The following CIT variants were observed in gnomAD, a reference collection of about 807,000 sequenced individuals.
CIT encodes the protein citron Rho-interacting kinase.
A neutral mutation model predicts 272.7 loss-of-function variants in CIT; 79 were observed. The observed-to-expected ratio is 0.29, with a 90% confidence interval of 0.24 to 0.35. CIT has a LOEUF of 0.35. Among genes scored for constraint, CIT ranks in the 10% least tolerant of loss-of-function variants. The pLI is 1.00. For synonymous variants in CIT, 948 were observed against 995.6 expected (o/e 0.95, Z 0.90); for missense variants, 1,909 against 2,618.3 (o/e 0.73, Z 5.91).
At chr12:119,739,124 T>A (rs1447345890) in intron 24 of CIT, among the ~76,000 whole-genome samples, 1 of 152,164 alleles carries the variant, frequency 6.6e-6, no homozygotes, top group Non-Finnish European at 1.5e-5. Flanking sequence ...ACTGAAATCC[T>A]ATTTTAATGC....
At chr12:119,688,374 G>A in intron 47 of CIT, 119 bp from the exon 48 acceptor site, 1 of 1,027,252 alleles carries the variant, frequency 9.7e-7, no homozygotes, top group Admixed American at 1.8e-5. Flanking sequence ...AGCTAGCAGT[G>A]AGTGCTTGGC....
intron 13 of CIT, among the ~76,000 whole-genome samples, chr12:119,777,696 A>C (rs1017736449): frequency 7.2e-5 from 11 of 151,994 alleles, no homozygotes; most frequent in Admixed American, 2.6e-4. Flanking sequence ...ACAAAAAAAA[A>C]CACTTTTAAT....
chr12:119,726,824 A>T (rs1321515450), intron 28 of CIT, among the ~76,000 whole-genome samples: 5 of 152,210 alleles, frequency 3.3e-5, no homozygotes, highest in Admixed American at 3.3e-4. Flanking sequence ...GGTAGTCATC[A>T]ATTTAAATAG....
chr12:119,760,818 A>C, intron 20 of CIT, 121 bp downstream of exon 20: 1 of 726,844 alleles, frequency 1.4e-6, no homozygotes, highest in Middle Eastern at 4.0e-4. Flanking sequence ...TATTACCAAC[A>C]ACTCCACAGG....
intron 7 of CIT, among the ~76,000 whole-genome samples, chr12:119,830,088 T>G (rs554266494): frequency 9.7e-4 from 146 of 150,576 alleles, no homozygotes; most frequent in Non-Finnish European, 1.4e-3. Flanking sequence ...CCAAAAATTA[T>G]AATTTTATAT....
At chr12:119,716,454 G>A (rs1239403569) in intron 32 of CIT, among the ~76,000 whole-genome samples, 2 of 140,108 alleles carry the variant, frequency 1.4e-5, no homozygotes, top group Non-Finnish European at 3.1e-5. Context: ...AAACACAGGA[G>A]GAAGAAAATG....
chr12:119,862,808 T>TAAAAAAAAACAAAAA (rs1950384594), intron 3 of CIT, among the ~76,000 whole-genome samples: 1 of 10,252 alleles, frequency 9.8e-5, no homozygotes, highest in Non-Finnish European at 1.9e-4. Flanking sequence ...AGACTCTACC[T>TAAAAAAAAACAAAAA]AAAAAAAAAA....
chr12:119,824,526 G>A (rs372786288), intron 8 of CIT, among the ~76,000 whole-genome samples: 153 of 152,218 alleles, frequency 1.0e-3, no homozygotes, highest in Admixed American at 2.7e-3. Flanking sequence ...ATAAAATAAT[G>A]GTGTAGTCTT....
chr12:119,788,442 GAAGTC>G (rs1965000701), intron 10 of CIT, among the ~76,000 whole-genome samples: 1 of 152,180 alleles, frequency 6.6e-6, no homozygotes, highest in Admixed American at 6.5e-5. Context: ...CACATGTCAT[GAAGTC>G]ACATGCATGA....
intron 10 of CIT, among the ~76,000 whole-genome samples, chr12:119,798,387 C>G (rs1965918212): frequency 6.6e-6 from 1 of 152,212 alleles, no homozygotes; most frequent in Non-Finnish European, 1.5e-5. Context: ...AGCTACATAA[C>G]TTTAGGCAAG....
chr12:119,746,569 T>G (rs1207076020), intron 23 of CIT, among the ~76,000 whole-genome samples: 1 of 152,190 alleles, frequency 6.6e-6, no homozygotes, highest in Non-Finnish European at 1.5e-5. Flanking sequence ...CCTATTCCAC[T>G]TTCTTATTAA....
At chr12:119,757,117 TAAAA>T (rs367882787) in intron 22 of CIT, among the ~76,000 whole-genome samples, 2 of 132,410 alleles carry the variant, frequency 1.5e-5, no homozygotes, top group Admixed American at 7.7e-5. Flanking sequence ...AAGACTCTCT[TAAAA>T]AAAAAAAAAA....
rs945173743 is a variant in CIT, at chr12:119,784,627, A to G, written c.1401+333T>C. 1 of 1,219,804 alleles carries G rather than the reference A, an allele frequency of 8.2e-7. No homozygotes were observed. Among genetic ancestry groups the G allele is most frequent in the Non-Finnish European group, 1.0e-6 (1 of 973,118 alleles). 75.6% of individuals were successfully genotyped at this position (1,219,804 alleles called of 1,614,324 possible). A position where few individuals can be genotyped will look rare whatever the true frequency, so the allele number is the denominator to read the frequency against. On this transcript the variant is annotated intron_variant, in intron 11 of 47. Transcript: ENST00000392521. This position sits in a 1 kb window ranked among gnomAD's most constrained non-coding sequence, Gnocchi z 4.7. ...AAAAGACTAGGAAGAGAGACTTCGCATCACTCAAAGCAGATGGGATGTATC... is the reference window on the plus strand; with the variant it reads ...AAAAGACTAGGAAGAGAGACTTCGCGTCACTCAAAGCAGATGGGATGTATC...
At chr12:119,783,285 T>A (rs775833551) in intron 12 of CIT, 1 of 152,258 alleles carries the variant, frequency 6.6e-6, no homozygotes, top group African/African-American at 2.4e-5. Context: ...CTCTCCCTTG[T>A]GAAAAAAACT....
rs371376893 is a variant in CIT at position 119,690,359 on chromosome 12, C to T, written c.5978G>A (p.Arg1993Gln). 2.5e-6 allele frequency: 4 copies of T among 1,597,806 alleles called. No individual in the cohort carries two copies. Among genetic ancestry groups the T allele is most frequent in the South Asian group, 1.1e-5 (1 of 90,350 alleles). The change falls in exon 47 of 48, where the codon CGA becomes CAA. Residue 1993 changes from arginine (R) to glutamine (Q), a missense_variant. Arg to Gln is a conservative substitution (Grantham distance 43). This residue lies in a region of CIT where 780 missense variants were observed against 1,067.2 expected (regional missense o/e 0.73). Transcript: ENST00000392521. This position sits in a 1 kb window ranked among gnomAD's most constrained non-coding sequence, Gnocchi z 6.0. Reference sequence around the variant, plus strand: ...GTAGCGGTGGGGTGTGCTTGGCTCTCGCGGGTGGCTGGGGCCTTCGGGCGG... The same window carrying T: ...GTAGCGGTGGGGTGTGCTTGGCTCTTGCGGGTGGCTGGGGCCTTCGGGCGG... The part of the protein sequence containing the change: ...PAPPEGPSHP[R>Q]EPSTPHRYRE...
At chr12:119,765,083 C>T (rs980288911) in intron 19 of CIT, among the ~76,000 whole-genome samples, 15 of 152,096 alleles carry the variant, frequency 9.9e-5, no homozygotes, top group African/African-American at 3.4e-4. Flanking sequence ...GCTGGGATTA[C>T]AGGCGTGAAC....
intron 13 of CIT, 101 bp downstream of exon 13, chr12:119,782,417 T>TC: frequency 7.2e-7 from 1 of 1,385,902 alleles, no homozygotes; most frequent in Non-Finnish European, 9.9e-7. Flanking sequence ...ACCCTTTCTC[T>TC]CTCTCCCTTT....
chr12:119,701,986 T>G (rs776302726), intron 41 of CIT, 28 bp from the exon 42 acceptor site: 4 of 1,567,468 alleles, frequency 2.6e-6, no homozygotes, highest in Non-Finnish European at 2.6e-6. Flanking sequence ...AAGAGAAGGA[T>G]GTGAGAGGTA....
At position 119,687,953 on chromosome 12, in the gene CIT, G is replaced by A. The variant is rs1443120490; in HGVS notation, c.*279C>T. On this transcript the variant is annotated 3_prime_UTR_variant, in exon 48 of 48. Transcript: ENST00000392521. Reference sequence around the variant, plus strand: ...AACTAACTGGTACAGGCTAGAGCTAGGTACAAAAGTTTGTGAATGCTTTGA... The same window carrying A: ...AACTAACTGGTACAGGCTAGAGCTAAGTACAAAAGTTTGTGAATGCTTTGA... 2.0e-6 allele frequency: 1 copy of A among 501,930 alleles called. No individual in the cohort carries two copies. Among genetic ancestry groups the A allele is most frequent in the African/African-American group, 1.9e-5 (1 of 51,498 alleles). 31.1% of individuals were successfully genotyped at this position (501,930 alleles called of 1,614,324 possible). A position where few individuals can be genotyped will look rare whatever the true frequency, so the allele number is the denominator to read the frequency against.
Sources: allele counts gnomAD v4.1 joint callset (sites outside exome capture counted in the v4.1 genomes callset), GRCh38; gene constraint gnomAD v4.1.1; regional missense constraint gnomAD v4.1.1; non-coding constraint Gnocchi (gnomAD v3.1); transcripts MANE v1.5; gene names NCBI Gene and HGNC (gene_info 2026-07-23, HGNC 2026-07-21).